Variants in ANO1 observed in about 807,000 individuals in gnomAD.
The protein encoded by ANO1 is anoctamin 1, also known as anoctamin-1.
ANO1 carries 59 observed loss-of-function variants against 124.0 expected under a neutral mutation model. The ratio of observed to expected loss-of-function variants is 0.48; its 90% confidence interval spans 0.39 to 0.59. ANO1 has a LOEUF of 0.59. ANO1 is among the 20% of genes least tolerant of loss of function. The pLI is 0.00. For synonymous variants in ANO1, 529 were observed against 532.0 expected (o/e 0.99, Z 0.08); for missense variants, 1,059 against 1,328.0 (o/e 0.80, Z 3.15).
chr11:69,995,888 G>A (rs1381183151), intron 1 of ANO1, among the ~76,000 whole-genome samples: 1 of 152,110 alleles, frequency 6.6e-6, no homozygotes, highest in Non-Finnish European at 1.5e-5. Context: ...GGAGGCGGGT[G>A]GATCACCTGA....
rs75346000 is a variant in ANO1, at chr11:70,098,902, C to T, written c.442-4164C>T. On this transcript the variant is annotated intron_variant, in intron 2 of 25. Coordinates refer to ENST00000355303, the MANE Select transcript of ANO1 (RefSeq NM_018043.7). ...TGTGATTTTCTTCTTTCTTCTGAAA[C>T]GAAAATGTCAGAAGCAATTCCAGGA... 7.5e-3 allele frequency among the ~76,000 whole-genome samples: 1,147 copies of T among 152,298 alleles called. 10 individuals carry two copies. Among genetic ancestry groups the T allele is most frequent in the African/African-American group, 0.026 (1,072 of 41,568 alleles).
intron 8 of ANO1, among the ~76,000 whole-genome samples, chr11:70,118,826 T>C (rs1011312498): frequency 5.3e-5 from 8 of 151,238 alleles, no homozygotes; most frequent in African/African-American, 1.7e-4. Flanking sequence ...TGGTGGATGA[T>C]GGGTGGGTGT....
At chr11:70,105,650 A>C in intron 4 of ANO1, 84 bp from the exon 5 acceptor site, 2 of 1,261,726 alleles carry the variant, frequency 1.6e-6, no homozygotes, top group Non-Finnish European at 2.3e-6. Flanking sequence ...TAATGGGGAC[A>C]GTGTGGTTTC....
intron 15 of ANO1, among the ~76,000 whole-genome samples, chr11:70,156,691 C>CA (rs1401575600): frequency 1.3e-5 from 2 of 152,194 alleles, no homozygotes; most frequent in African/African-American, 2.4e-5. Flanking sequence ...GTCCTACACA[C>CA]AGAGGAATCA....
chr11:70,156,014 C>T (rs1345174101), intron 15 of ANO1, 26 bp downstream of exon 15: 10 of 1,474,670 alleles, frequency 6.8e-6, no homozygotes, highest in South Asian at 1.3e-5. Flanking sequence ...GCGGGCAGCG[C>T]GCGTCTTGAC....
rs187617791 is a variant in ANO1, at chr11:69,998,163, G to A, written c.58+11997G>A. Among the ~76,000 whole-genome samples the A allele has an allele frequency of 1.1e-4, 17 of 152,248 alleles. No homozygotes were observed. The East Asian group carries it at 3.1e-3, about 28-fold the overall frequency. ...TCTCCTGTATAGGACTTTGTAACTA[G>A]GTGTTTTAGACTGAGCTGTAATTTA... is the stretch of plus-strand genomic sequence containing the variant. On this transcript the variant is annotated intron_variant, in intron 1 of 27. Coordinates refer to the ANO1 transcript ENST00000531349.
At chr11:70,134,755 C>T (rs891869481) in intron 11 of ANO1, among the ~76,000 whole-genome samples, 2 of 152,174 alleles carry the variant, frequency 1.3e-5, no homozygotes, top group African/African-American at 4.8e-5. Context: ...GTATCCCACA[C>T]TGTGCCGGGC....
intron 24 of ANO1, among the ~76,000 whole-genome samples, chr11:70,184,102 C>A (rs1480971660): frequency 6.6e-6 from 1 of 152,200 alleles, no homozygotes; most frequent in Admixed American, 6.5e-5. Context: ...CCAACAGGGG[C>A]ACAAACGGCC....
chr11:70,015,493 C>A (rs544999849), intron 1 of ANO1, among the ~76,000 whole-genome samples: 1 of 152,136 alleles, frequency 6.6e-6, no homozygotes, highest in South Asian at 2.1e-4. Flanking sequence ...CAGCCCTGGG[C>A]GGGTGGGGCA....
chr11:70,062,265 G>A (rs1565171603), intron 1 of ANO1, among the ~76,000 whole-genome samples: 1 of 151,756 alleles, frequency 6.6e-6, no homozygotes, highest in Non-Finnish European at 1.5e-5. Flanking sequence ...TAGTAGAGAT[G>A]GGGGTTTCGC....
At chr11:70,166,100 T>G (rs965459147) in intron 20 of ANO1, among the ~76,000 whole-genome samples, 2 of 151,896 alleles carry the variant, frequency 1.3e-5, no homozygotes, top group African/African-American at 2.4e-5. Flanking sequence ...GGCGGATCAC[T>G]TGAGGTCAAT....
chr11:70,071,894 G>A (rs1267708094), intron 1 of ANO1, among the ~76,000 whole-genome samples: 1 of 152,108 alleles, frequency 6.6e-6, no homozygotes, highest in East Asian at 1.9e-4. Flanking sequence ...AAAGTGCTGG[G>A]ATTACAAGTG....
intron 22 of ANO1, among the ~76,000 whole-genome samples, chr11:70,177,156 T>C (rs1296431218): frequency 5.3e-5 from 8 of 152,118 alleles, no homozygotes; most frequent in African/African-American, 1.9e-4. Context: ...CCTGCCTGAG[T>C]CCTGCACTTC....
chr11:70,002,243 T>G (rs1439748218), intron 1 of ANO1, among the ~76,000 whole-genome samples: 1 of 151,928 alleles, frequency 6.6e-6, no homozygotes, highest in African/African-American at 2.4e-5. Context: ...GAGGTCAGGA[T>G]CCCAAACCTG....
intron 1 of ANO1, among the ~76,000 whole-genome samples, chr11:70,008,838 G>A (rs559864792): frequency 4.8e-4 from 73 of 152,194 alleles, no homozygotes; most frequent in African/African-American, 1.6e-3. Context: ...AGGGAAGGCC[G>A]GCTCTCCCTT....
chr11:69,968,942 C>A, the ANO1 span, among the ~76,000 whole-genome samples: 1 of 152,238 alleles, frequency 6.6e-6, no homozygotes, highest in Non-Finnish European at 1.5e-5. Context: ...GGAAGCTGCA[C>A]CCTCCAGTCT....
rs764216987 is a variant in ANO1, at chr11:70,104,037, A to G, written c.579A>G (p.Lys193=). The G allele has an allele frequency of 3.7e-6, 6 of 1,612,534 alleles. No homozygotes were observed. The highest frequency in any genetic ancestry group is 3.4e-6 in the Non-Finnish European group (4 of 1,179,396). The change falls in exon 4 of 26, where the codon AAA becomes AAG. Residue 193 remains lysine (K), a synonymous_variant. Transcript: ENST00000355303. The part of the protein sequence containing the change: ...HINETRGLLK[K]INSVLQKITD... Reference sequence around the variant, plus strand: ...ATGAGACCCGTGGCCTCCTGAAAAAAATCAACTCTGTGCTCCAGAAAATCA... The same window carrying G: ...ATGAGACCCGTGGCCTCCTGAAAAAGATCAACTCTGTGCTCCAGAAAATCA...
intron 1 of ANO1, among the ~76,000 whole-genome samples, chr11:70,050,186 G>A (rs1405454350): frequency 2.0e-5 from 3 of 152,082 alleles, no homozygotes; most frequent in African/African-American, 4.8e-5. Context: ...TCCTATTCGG[G>A]GTGCAAGATA....
At chr11:70,029,904 T>A (rs1357250904) in intron 1 of ANO1, among the ~76,000 whole-genome samples, 1 of 152,172 alleles carries the variant, frequency 6.6e-6, no homozygotes, top group Non-Finnish European at 1.5e-5. Context: ...GTGTCCTGTG[T>A]CCAAATTTCC....
Sources: allele counts gnomAD v4.1 joint callset (sites outside exome capture counted in the v4.1 genomes callset), GRCh38; gene constraint gnomAD v4.1.1; transcripts MANE v1.5; gene names NCBI Gene and HGNC (gene_info 2026-07-23, HGNC 2026-07-21).